SNX29: variants seen among roughly 807,000 people sequenced by gnomAD.
The protein encoded by SNX29 is sorting nexin-29.
SNX29 carries 78 observed loss-of-function variants against 102.1 expected under a neutral mutation model. The ratio of observed to expected loss-of-function variants is 0.76; its 90% confidence interval spans 0.64 to 0.92. SNX29 has a LOEUF of 0.92. Among genes scored for constraint, SNX29 ranks in the 40% least tolerant of loss-of-function variants. The pLI is 0.00. For missense variants in SNX29, 1,280 were observed against 1,061.7 expected (o/e 1.21, Z -2.86); for synonymous variants, 580 against 414.5 (o/e 1.40, Z -4.85).
Position 12,570,265 on chromosome 16 carries a change from G to A in SNX29, c.*1636G>A, listed in dbSNP as rs1344192779. On this transcript the variant is annotated 3_prime_UTR_variant, in exon 21 of 21. Transcript: ENST00000566228. Reference sequence around the variant, plus strand: ...CCAAATGAGCTGGAGCATGTATGGAGGTGCGGACCCTGCAGTCAGTTTGCG... The same window carrying A: ...CCAAATGAGCTGGAGCATGTATGGAAGTGCGGACCCTGCAGTCAGTTTGCG... 9.4e-7 allele frequency: 1 copy of A among 1,065,116 alleles called. No individual in the cohort carries two copies. Among genetic ancestry groups the A allele is most frequent in the Non-Finnish European group, 1.1e-6 (1 of 879,164 alleles). The allele number at this position is 1,065,116 out of a possible 1,614,324, so 66.0% of individuals were successfully genotyped here.
chr16:12,418,702 AC>A (rs1415971522), intron 18 of SNX29, among the ~76,000 whole-genome samples: 1 of 151,900 alleles, frequency 6.6e-6, no homozygotes, highest in Non-Finnish European at 1.5e-5. Flanking sequence ...TTTAGTAGAG[AC>A]GGGGTTTTGC....
intron 18 of SNX29, among the ~76,000 whole-genome samples, chr16:12,436,977 G>C (rs541076059): frequency 6.6e-6 from 1 of 152,304 alleles, no homozygotes; most frequent in Admixed American, 6.5e-5. Flanking sequence ...TGAACTTGAG[G>C]TATCGCTAGG....
At chr16:12,198,624 G>A (rs2141958941) in intron 13 of SNX29, among the ~76,000 whole-genome samples, 1 of 152,326 alleles carries the variant, frequency 6.6e-6, no homozygotes, top group South Asian at 2.1e-4. Flanking sequence ...GGTAGAGCTG[G>A]TCAGAAACCA....
chr16:12,551,933 G>A (rs568324152), intron 20 of SNX29, among the ~76,000 whole-genome samples: 187 of 152,314 alleles, frequency 1.2e-3, no homozygotes, highest in African/African-American at 4.3e-3. Flanking sequence ...GAGCCACTGT[G>A]AGGATCCAGT....
At chr16:12,323,435 A>C (rs1287374763) in intron 15 of SNX29, among the ~76,000 whole-genome samples, 1 of 152,124 alleles carries the variant, frequency 6.6e-6, no homozygotes, top group Non-Finnish European at 1.5e-5. Context: ...CCATCAATAG[A>C]AAAATAACTT....
intron 11 of SNX29, among the ~76,000 whole-genome samples, chr16:12,102,783 A>C (rs1010319909): frequency 6.6e-6 from 1 of 152,250 alleles, no homozygotes; most frequent in Admixed American, 6.5e-5. Flanking sequence ...CTCTGTTTGC[A>C]GATGACATGA....
chr16:12,160,095 C>G (rs1037607629), intron 13 of SNX29, among the ~76,000 whole-genome samples: 1 of 152,192 alleles, frequency 6.6e-6, no homozygotes, highest in South Asian at 2.1e-4. Context: ...AGATTTGCCA[C>G]AGCAGGGAAT....
intron 3 of SNX29, among the ~76,000 whole-genome samples, chr16:12,008,433 C>G (rs917074816): frequency 2.6e-5 from 4 of 151,500 alleles, no homozygotes; most frequent in African/African-American, 9.7e-5. Context: ...CCATGCCTGG[C>G]TAATTTTGTA....
chr16:12,443,174 T>C, intron 18 of SNX29: 1 of 376,358 alleles, frequency 2.7e-6, no homozygotes, highest in Non-Finnish European at 5.2e-6. Flanking sequence ...TCTGTCATGC[T>C]CCTTCCTATG....
intron 15 of SNX29, among the ~76,000 whole-genome samples, chr16:12,286,734 G>C (rs868277559): frequency 1.3e-5 from 2 of 152,062 alleles, no homozygotes; most frequent in Non-Finnish European, 2.9e-5. Context: ...CCCATCACCT[G>C]GCTGTAGCTG....
chr16:12,147,789 T>C (rs2055127110), intron 13 of SNX29, among the ~76,000 whole-genome samples: 2 of 152,322 alleles, frequency 1.3e-5, no homozygotes, highest in Admixed American at 1.3e-4. Flanking sequence ...AATTTCCATG[T>C]CACTGAACAT....
chr16:12,537,436 G>A (rs1476633460), intron 20 of SNX29, among the ~76,000 whole-genome samples: 1 of 152,184 alleles, frequency 6.6e-6, no homozygotes, highest in East Asian at 1.9e-4. Context: ...CTACATAGCA[G>A]CCTTGTGAAC....
intron 18 of SNX29, among the ~76,000 whole-genome samples, chr16:12,436,244 C>T (rs553820304): frequency 2.0e-5 from 3 of 152,308 alleles, no homozygotes; most frequent in Admixed American, 1.3e-4. Context: ...CCTCCCTGGG[C>T]CCAGGCATCA....
At chr16:12,290,156 T>C (rs902143275) in intron 15 of SNX29, among the ~76,000 whole-genome samples, 1 of 152,196 alleles carries the variant, frequency 6.6e-6, no homozygotes, top group South Asian at 2.1e-4. Flanking sequence ...CTTTAGCATT[T>C]AGGTTCCTGT....
chr16:11,997,360 C>T (rs2056115723), intron 1 of SNX29, among the ~76,000 whole-genome samples: 2 of 152,186 alleles, frequency 1.3e-5, no homozygotes, highest in Admixed American at 1.3e-4. Context: ...GCAGAGAGGC[C>T]CTCAGTGGCT....
intron 15 of SNX29, among the ~76,000 whole-genome samples, chr16:12,322,504 T>A (rs2080972572): frequency 6.6e-6 from 1 of 152,242 alleles, no homozygotes; most frequent in South Asian, 2.1e-4. Context: ...TACATTTGTT[T>A]GTTTGTAGTG....
chr16:12,293,090 T>A (rs998565664), intron 15 of SNX29, among the ~76,000 whole-genome samples: 2 of 152,208 alleles, frequency 1.3e-5, no homozygotes, highest in Non-Finnish European at 2.9e-5. Context: ...AGGGGCATCA[T>A]ATACATCTTT....
chr16:12,151,597 G>T (rs565769766), intron 13 of SNX29, among the ~76,000 whole-genome samples: 4 of 152,226 alleles, frequency 2.6e-5, no homozygotes, highest in Non-Finnish European at 5.9e-5. Flanking sequence ...CAGATCTTCA[G>T]ATCTTTGCAG....
chr16:12,304,126 C>T (rs2080264811), intron 15 of SNX29, among the ~76,000 whole-genome samples: 1 of 152,080 alleles, frequency 6.6e-6, no homozygotes, highest in Non-Finnish European at 1.5e-5. Context: ...AGGAATGAGT[C>T]CCTTGACCAA....
Sources: allele counts gnomAD v4.1 joint callset (sites outside exome capture counted in the v4.1 genomes callset), GRCh38; gene constraint gnomAD v4.1.1; transcripts MANE v1.5; gene names NCBI Gene and HGNC (gene_info 2026-07-23, HGNC 2026-07-21).